The following SEPTIN11 variants were observed in gnomAD, a reference collection of about 807,000 sequenced individuals.
SEPTIN11 encodes septin 11, also known as septin-11.
In SEPTIN11, 25 loss-of-function variants were observed where a neutral mutation model predicts 51.4. The ratio of observed to expected loss-of-function variants is 0.49; its 90% CI spans 0.35 to 0.68. SEPTIN11 has a LOEUF of 0.68. SEPTIN11 is among the 30% of genes least tolerant of loss of function. SEPTIN11 has a pLI of 0.00. For missense variants in SEPTIN11, 381 were observed against 520.8 expected (o/e 0.73, Z 2.61); for synonymous variants, 174 against 184.1 (o/e 0.95, Z 0.44).
At chr4:77,004,941 G>A (rs531954020) in intron 2 of SEPTIN11, among the ~76,000 whole-genome samples, 122 of 152,094 alleles carry the variant, frequency 8.0e-4, no homozygotes, top group Non-Finnish European at 1.4e-3. Flanking sequence ...CCAGCCTGGG[G>A]GACAGAGCGA....
intron 2 of SEPTIN11, among the ~76,000 whole-genome samples, chr4:76,996,941 G>A (rs1233925238): frequency 4.0e-5 from 6 of 150,494 alleles, no homozygotes; most frequent in Admixed American, 2.7e-4. Context: ...GTGCAGTGGG[G>A]CGATCTTGGC....
chr4:77,030,923 C>G lies in SEPTIN11; in HGVS notation c.1227C>G (p.Ala409=). The stretch of plus-strand genomic sequence containing the variant: ...CGGCTCAGTTACTACAGTCCCAGGC[C>G]CAGCAATCTGGGGCCCAGCAAACCA... ...KAAAQLLQSQ[A]QQSGAQQTKK... is the part of the protein sequence containing the mutation. The change falls in exon 9 of 10, where the codon GCC becomes GCG. Residue 409 remains alanine, a synonymous_variant. Transcript: ENST00000264893. 6.2e-7 allele frequency: 1 copy of G among 1,609,584 alleles called. No homozygotes were observed. Among genetic ancestry groups the G allele is most frequent in the Non-Finnish European group, 8.5e-7 (1 of 1,179,102 alleles).
chr4:77,010,508 C>A (rs903533425), intron 3 of SEPTIN11, among the ~76,000 whole-genome samples: 24 of 150,140 alleles, frequency 1.6e-4, no homozygotes, highest in African/African-American at 5.9e-4. Flanking sequence ...CTAATTGAAC[C>A]AATATATTGT....
intron 1 of SEPTIN11, among the ~76,000 whole-genome samples, chr4:76,970,999 C>T (rs773820683): frequency 6.6e-6 from 1 of 152,060 alleles, no homozygotes; most frequent in Non-Finnish European, 1.5e-5. Context: ...ATATCTTTGT[C>T]CTGTGGAAGT....
chr4:77,038,791 G>A (rs1367726254), downstream of SEPTIN11, among the ~76,000 whole-genome samples: 2 of 152,128 alleles, frequency 1.3e-5, no homozygotes, highest in Admixed American at 1.3e-4. Flanking sequence ...GTGCCATGTG[G>A]TGTCCTGTAC....
Position 76,981,986 on chromosome 4 carries a change from C to T in SEPTIN11, c.28-14439C>T, listed in dbSNP as rs550047831. On this transcript the variant is annotated intron_variant, in intron 1 of 9. Transcript: ENST00000264893. ...CTAGATCTCTCCCCCAAGTGACACT[C>T]GAATACTTAGTAGCACATCCTGGGC... 4.6e-5 allele frequency among the ~76,000 whole-genome samples: 7 copies of T among 152,218 alleles called. No individual in the cohort carries two copies. The South Asian group carries it at 8.3e-4, about 18-fold the overall frequency.
downstream of SEPTIN11, chr4:77,039,803 A>C (rs1727263399): frequency 1.1e-6 from 1 of 916,566 alleles, no homozygotes; most frequent in Non-Finnish European, 1.3e-6. Flanking sequence ...TTCAGGAACC[A>C]CTGTTGTTTT....
chr4:77,016,477 A>AATATATATATATATGTGTATATATATAGC (rs1725235277), intron 5 of SEPTIN11, among the ~76,000 whole-genome samples: 1 of 144,936 alleles, frequency 6.9e-6, no homozygotes, highest in African/African-American at 2.5e-5. Context: ...AATAATACAA[A>AATATATATATATATGTGTATATATATAGC]ATATATATAT....
At chr4:76,971,498 G>C (rs1722239862) in intron 1 of SEPTIN11, among the ~76,000 whole-genome samples, 1 of 151,476 alleles carries the variant, frequency 6.6e-6, no homozygotes, top group South Asian at 2.1e-4. Flanking sequence ...TTTAAGAATA[G>C]CACATGGACT....
chr4:77,014,448 G>A (rs970586025), intron 4 of SEPTIN11, among the ~76,000 whole-genome samples: 1 of 152,138 alleles, frequency 6.6e-6, no homozygotes, highest in African/African-American at 2.4e-5. Flanking sequence ...CAAAGAATAA[G>A]TTCCTTTGTT....
At chr4:76,989,234 G>A (rs948759320) in intron 1 of SEPTIN11, among the ~76,000 whole-genome samples, 9 of 152,104 alleles carry the variant, frequency 5.9e-5, no homozygotes, top group Admixed American at 4.6e-4. Flanking sequence ...ACCATGTCTT[G>A]TTAATAAAAA....
intron 7 of SEPTIN11, 98 bp from the exon 8 acceptor site, chr4:77,028,531 A>G (rs754120272): frequency 2.3e-6 from 3 of 1,309,746 alleles, no homozygotes; most frequent in Non-Finnish European, 3.2e-6. Flanking sequence ...CAGCAGCTTT[A>G]TCTATGTTTT....
rs1411073748 is a variant in SEPTIN11 at position 77,030,937 on chromosome 4, C to G, written c.1241C>G (p.Ala414Gly). The G allele has an allele frequency of 7.5e-6, 12 of 1,605,360 alleles. No individual in the cohort carries two copies. The Admixed American group carries it at 1.9e-4, about 26-fold the overall frequency. ...LLQSQAQQSG[A>G]QQTKKDKDKK... ...CAGTCCCAGGCCCAGCAATCTGGGG[C>G]CCAGCAAACCAAGAAAGACAAGGAT... Residue 414 changes from alanine (A) to glycine (G), a missense_variant, in exon 9 of 10, where the codon GCC (alanine) becomes GGC (glycine). Physicochemically the swap from Ala to Gly is moderately conservative, Grantham distance 60. Around this residue, in one of 2 missense-constraint regions of SEPTIN11, gnomAD observed 197 missense variants for 313.1 expected, o/e 0.63. Transcript: ENST00000264893.
In SEPTIN11 at chr4:77,038,195, T is replaced by C. The variant is rs74686999; in HGVS notation, c.*3683T>C. Reference sequence around the variant, plus strand: ...ATTAAGACCTACAAAGTCTAGTTTGTATGTAGGTATGAAGGGAATTTTTTA... The same window carrying C: ...ATTAAGACCTACAAAGTCTAGTTTGCATGTAGGTATGAAGGGAATTTTTTA... On this transcript the variant is annotated 3_prime_UTR_variant, in exon 10 of 10. Coordinates refer to ENST00000264893, the MANE Select transcript of SEPTIN11 (RefSeq NM_018243.4). 3.2e-3 allele frequency: 3,120 copies of C among 985,792 alleles called. 81 individuals are homozygous for C. In the African/African-American group the frequency reaches 0.052, roughly 16 times the overall value. The allele number at this position is 985,792 out of a possible 1,614,324, so 61.1% of individuals were successfully genotyped here.
intron 1 of SEPTIN11, among the ~76,000 whole-genome samples, chr4:76,979,282 T>C (rs1327843529): frequency 6.6e-6 from 1 of 152,110 alleles, no homozygotes; most frequent in Non-Finnish European, 1.5e-5. Flanking sequence ...TAAGAAGCAA[T>C]GGTGTCTAAT....
intron 1 of SEPTIN11, among the ~76,000 whole-genome samples, chr4:76,956,538 T>G (rs984761414): frequency 2.6e-5 from 4 of 152,220 alleles, no homozygotes; most frequent in East Asian, 1.9e-4. Flanking sequence ...GGAGGTCTGC[T>G]GCATACTGCA....
intron 9 of SEPTIN11, among the ~76,000 whole-genome samples, chr4:77,033,622 C>T (rs1726830386): frequency 6.6e-6 from 1 of 152,208 alleles, no homozygotes; most frequent in Non-Finnish European, 1.5e-5. Context: ...TTGTTTGCGG[C>T]TATACCACAG....
At chr4:76,961,335 G>C (rs555291997) in intron 1 of SEPTIN11, among the ~76,000 whole-genome samples, 2 of 152,194 alleles carry the variant, frequency 1.3e-5, no homozygotes, top group African/African-American at 4.8e-5. Context: ...AAGGGAATTG[G>C]GAAGTTTTAT....
intron 1 of SEPTIN11, among the ~76,000 whole-genome samples, chr4:76,966,987 G>A (rs193219235): frequency 9.2e-5 from 14 of 152,018 alleles, no homozygotes; most frequent in African/African-American, 2.4e-5. Flanking sequence ...ACTTGAGGTC[G>A]GGATTTTGAG....
Sources: allele counts gnomAD v4.1 joint callset (sites outside exome capture counted in the v4.1 genomes callset), GRCh38; gene constraint gnomAD v4.1.1; regional missense constraint gnomAD v4.1.1; transcripts MANE v1.5; gene names NCBI Gene and HGNC (gene_info 2026-07-23, HGNC 2026-07-21).